The following NKAIN1 variants were observed in gnomAD, a reference collection of about 807,000 sequenced individuals.
NKAIN1 encodes sodium/potassium transporting ATPase interacting 1, also known as sodium/potassium-transporting ATPase subunit beta-1-interacting protein 1.
NKAIN1 carries 13 observed loss-of-function variants against 31.6 expected under a neutral mutation model. The ratio of observed to expected loss-of-function variants is 0.41; its 90% CI spans 0.27 to 0.65. NKAIN1 has a LOEUF of 0.65. NKAIN1 is among the 30% of genes least tolerant of loss of function. NKAIN1 has a pLI of 0.30. For missense variants in NKAIN1, 193 were observed against 262.2 expected (o/e 0.74, Z 1.82); for synonymous variants, 104 against 109.0 (o/e 0.95, Z 0.28).
intron 1 of NKAIN1, among the ~76,000 whole-genome samples, chr1:31,205,965 G>A (rs1645420656): frequency 1.3e-5 from 2 of 151,310 alleles, no homozygotes; most frequent in South Asian, 2.1e-4. Context: ...CAGGTGCAGT[G>A]GCTTACATCT....
intron 4 of NKAIN1, 56 bp from the exon 5 acceptor site, chr1:31,182,646 G>C: frequency 6.3e-7 from 1 of 1,591,722 alleles, no homozygotes; most frequent in Non-Finnish European, 8.6e-7. Flanking sequence ...CTCTTCCTCC[G>C]CCCCCTGCCG....
Position 31,239,668 on chromosome 1 carries a change from C to G in NKAIN1, c.-121G>C. 2.9e-6 allele frequency: 1 copy of G among 340,182 alleles called. No individual in the cohort carries two copies. Among genetic ancestry groups the G allele is most frequent in the Non-Finnish European group, 4.1e-6 (1 of 241,188 alleles). The allele number at this position is 340,182 out of a possible 1,614,324, so 21.1% of individuals were successfully genotyped here. A position where few individuals can be genotyped will look rare whatever the true frequency, so the allele number is the denominator to read the frequency against. On this transcript the variant is annotated 5_prime_UTR_variant, in exon 1 of 7. Transcript: ENST00000373736. This position sits in a 1 kb window ranked among gnomAD's most constrained non-coding sequence, Gnocchi z 4.8. ...GGGCGCGCCGGGCGGCGGGGCCGGG[C>G]GCCTAGGGCCGGGCCCGGGAGTGTC...
At chr1:31,184,700 T>G (rs1645228819) in intron 3 of NKAIN1, among the ~76,000 whole-genome samples, 1 of 152,214 alleles carries the variant, frequency 6.6e-6, no homozygotes, top group South Asian at 2.1e-4. Flanking sequence ...TGCTCTTAAA[T>G]TCACATATTT....
At chr1:31,231,334 C>CTT (rs34019998) in intron 1 of NKAIN1, among the ~76,000 whole-genome samples, 12,212 of 123,576 alleles carry the variant, frequency 0.099, 1,208 homozygotes, top group African/African-American at 0.24. Flanking sequence ...CCTTATTCTA[C>CTT]TTTTTTTTTT....
intron 6 of NKAIN1, 37 bp from the exon 7 acceptor site, chr1:31,181,749 C>T (rs1287296240): frequency 2.0e-6 from 3 of 1,528,554 alleles, no homozygotes; most frequent in Middle Eastern, 1.7e-4. Context: ...AGAGTGGATC[C>T]CAAAAGTATG....
intron 1 of NKAIN1, among the ~76,000 whole-genome samples, chr1:31,201,779 C>T (rs539379792): frequency 6.6e-6 from 1 of 152,342 alleles, no homozygotes; most frequent in South Asian, 2.1e-4. Context: ...CTCTTTTCCA[C>T]CACTTCTTAC....
intron 1 of NKAIN1, among the ~76,000 whole-genome samples, chr1:31,224,499 C>A (rs997508293): frequency 1.3e-5 from 2 of 152,152 alleles, no homozygotes; most frequent in African/African-American, 4.8e-5. Flanking sequence ...CATCGTAAGT[C>A]AAAAAACCAT....
chr1:31,218,047 T>TCTTC (rs1491183322), intron 1 of NKAIN1, among the ~76,000 whole-genome samples: 68 of 140,596 alleles, frequency 4.8e-4, no homozygotes, highest in African/African-American at 1.6e-3. Flanking sequence ...TTTCTTTCTT[T>TCTTC]CTTTCTTTCT....
At chr1:31,184,154 G>C (rs897730943) in intron 3 of NKAIN1, 140 bp from the exon 4 acceptor site, 4 of 675,888 alleles carry the variant, frequency 5.9e-6, no homozygotes, top group Non-Finnish European at 9.9e-6. Flanking sequence ...CCAACAGGTG[G>C]CACTTAATGA....
At chr1:31,219,117 A>T (rs1358543280) in intron 1 of NKAIN1, among the ~76,000 whole-genome samples, 2 of 152,268 alleles carry the variant, frequency 1.3e-5, no homozygotes, top group Non-Finnish European at 2.9e-5. Context: ...AACCAAACTA[A>T]CAACCTCCTA....
intron 1 of NKAIN1, among the ~76,000 whole-genome samples, chr1:31,217,964 C>A (rs1459000132): frequency 6.6e-6 from 1 of 152,078 alleles, no homozygotes; most frequent in African/African-American, 2.4e-5. Flanking sequence ...GCACTCCTGT[C>A]CTCTAAGCAC....
intron 1 of NKAIN1, among the ~76,000 whole-genome samples, chr1:31,210,492 T>C (rs1030987516): frequency 2.6e-5 from 4 of 152,138 alleles, no homozygotes; most frequent in Non-Finnish European, 5.9e-5. Flanking sequence ...TTTCACCACG[T>C]TGGCCAGGCT....
Position 31,183,854 on chromosome 1 carries a change from A to G in NKAIN1, c.434T>C (p.Ile145Thr), listed in dbSNP as rs747758099. Residue 145 changes from isoleucine (I) to threonine (T), a missense_variant, in exon 4 of 7, where the codon ATT becomes ACT. Coordinates refer to ENST00000373736, the MANE Select transcript of NKAIN1 (RefSeq NM_024522.3). ...CTGCAGGGCGCTGCTGAGGGCTTCA[A>G]TGTAGGGGTAGTCAAGCAGGCAGCC... ...VTGCLLDYPY[I>T]EALSSALQIF... 1 of 1,614,038 alleles carries G rather than the reference A, an allele frequency of 6.2e-7. No homozygotes were observed. The highest frequency in any genetic ancestry group is 8.5e-7 in the Non-Finnish European group (1 of 1,179,984).
chr1:31,224,634 A>T (rs1168820803), intron 1 of NKAIN1, among the ~76,000 whole-genome samples: 1 of 152,204 alleles, frequency 6.6e-6, no homozygotes, highest in Non-Finnish European at 1.5e-5. Flanking sequence ...GTTAACAAGA[A>T]GTTTCCTAAT....
At chr1:31,198,507 G>T (rs908408246) in intron 1 of NKAIN1, among the ~76,000 whole-genome samples, 2 of 151,964 alleles carry the variant, frequency 1.3e-5, no homozygotes, top group African/African-American at 4.8e-5. Context: ...CTTGTTCCAC[G>T]TCCCCCACTC....
chr1:31,216,881 T>G lies in NKAIN1; in HGVS notation c.54+22613A>C, dbSNP rs1645517637. ...GCTAATTTTTGTATTTTTGTGTGTG[T>G]GTGAGATGGAGGCTGTCTGTGTTGC... On this transcript the variant is annotated intron_variant, in intron 1 of 6. Transcript: ENST00000373736. Among the ~76,000 whole-genome samples, 3 of 151,654 alleles carry G rather than the reference T, an allele frequency of 2.0e-5. No individual in the cohort carries two copies. The East Asian group carries it at 5.8e-4, about 30-fold the overall frequency.
At position 31,205,413 on chromosome 1, in the gene NKAIN1, G is replaced by A. The variant is rs146389608; in HGVS notation, c.55-17226C>T. Among the ~76,000 whole-genome samples the A allele has an allele frequency of 4.2e-3, 644 of 151,984 alleles. 4 individuals carry two copies. Among genetic ancestry groups the A allele is most frequent in the Non-Finnish European group, 5.9e-3 (404 of 67,984 alleles). Reference sequence around the variant, plus strand: ...AACTTCTGCCTTCTGGGTTCAAGCCGTTCTCCTGCTTTAGCCTCCTGAGTA... The same window carrying A: ...AACTTCTGCCTTCTGGGTTCAAGCCATTCTCCTGCTTTAGCCTCCTGAGTA... On this transcript the variant is annotated intron_variant, in intron 1 of 6. Coordinates refer to ENST00000373736, the MANE Select transcript of NKAIN1 (RefSeq NM_024522.3).
Position 31,183,860 on chromosome 1 carries a change from G to T in NKAIN1, c.428C>A (p.Pro143His). 1.2e-6 allele frequency: 2 copies of T among 1,614,070 alleles called. No homozygotes were observed. The highest frequency in any genetic ancestry group is 1.7e-6 in the Non-Finnish European group (2 of 1,180,022). The change falls in exon 4 of 7, where the codon CCC becomes CAC. Residue 143 changes from proline (P) to histidine (H), a missense_variant. Coordinates refer to ENST00000373736, the MANE Select transcript of NKAIN1 (RefSeq NM_024522.3). ...ISVTGCLLDY[P>H]YIEALSSALQ... ...GGCGCTGCTGAGGGCTTCAATGTAG[G>T]GGTAGTCAAGCAGGCAGCCAGTGAC...
At chr1:31,227,814 A>G (rs991537429) in intron 1 of NKAIN1, among the ~76,000 whole-genome samples, 2 of 151,862 alleles carry the variant, frequency 1.3e-5, no homozygotes, top group African/African-American at 2.4e-5. Context: ...TGGCTTGAGG[A>G]CTCTAGGGGT....
Sources: gnomAD v4.1 joint callset for allele counts (sites outside exome capture counted in the v4.1 genomes callset) on GRCh38, gnomAD v4.1.1 for gene constraint, Gnocchi (gnomAD v3.1) non-coding constraint, MANE v1.5 for transcripts, NCBI Gene and HGNC (gene_info 2026-07-23, HGNC 2026-07-21) for gene names.